The following CADM2 variants were observed in gnomAD, a reference collection of about 807,000 sequenced individuals.
CADM2 encodes the protein immunoglobulin superfamily member 4D.
In CADM2, 12 loss-of-function variants were observed where a neutral mutation model predicts 49.8. That is an observed-to-expected ratio of 0.24 (90% CI 0.15 to 0.39). The LOEUF (loss-of-function observed/expected upper bound fraction) is 0.39, where lower values mean the gene tolerates loss of function less well. Among genes scored for constraint, CADM2 ranks in the 10% least tolerant of loss-of-function variants. The pLI is 1.00. For synonymous variants in CADM2, 214 were observed against 175.4 expected (o/e 1.22, Z -1.74); for missense variants, 378 against 492.3 (o/e 0.77, Z 2.20).
At chr3:85,354,550 G>C (rs1000340871) in intron 1 of CADM2, among the ~76,000 whole-genome samples, 6 of 150,454 alleles carry the variant, frequency 4.0e-5, no homozygotes, top group African/African-American at 1.5e-4. Context: ...GAAATAAAGT[G>C]TAAATGCATA....
At chr3:85,702,596 C>T (rs1020616984) in intron 1 of CADM2, among the ~76,000 whole-genome samples, 4 of 152,096 alleles carry the variant, frequency 2.6e-5, no homozygotes, top group South Asian at 4.1e-4. Context: ...CTTAGATATT[C>T]GTATAACAAG....
chr3:85,095,368 T>C lies in CADM2; in HGVS notation c.61+135700T>C, dbSNP rs72905217. Among the ~76,000 whole-genome samples the C allele has an allele frequency of 3.3e-3, 508 of 152,272 alleles. 7 individuals carry two copies. The highest frequency in any genetic ancestry group is 0.011 in the African/African-American group (469 of 41,574). On this transcript the variant is annotated intron_variant, in intron 1 of 9. Coordinates refer to ENST00000383699, the MANE Select transcript of CADM2 (RefSeq NM_001167675.2). Reference sequence around the variant, plus strand: ...ATTATTCAGAGCTAGGCAGTCACAATTCTAGGCTGACTCAGATGGGTCATA... The same window carrying C: ...ATTATTCAGAGCTAGGCAGTCACAACTCTAGGCTGACTCAGATGGGTCATA...
chr3:85,228,754 G>A (rs76306335), intron 1 of CADM2, among the ~76,000 whole-genome samples: 14,456 of 152,048 alleles, frequency 0.095, 855 homozygotes, highest in African/African-American at 0.16. Flanking sequence ...TGAGGTGTCT[G>A]TCAGCCCCTA....
At chr3:85,621,214 G>A (rs1447528543) in intron 1 of CADM2, among the ~76,000 whole-genome samples, 1 of 151,936 alleles carries the variant, frequency 6.6e-6, no homozygotes, top group Non-Finnish European at 1.5e-5. Flanking sequence ...CAGAAACTAT[G>A]TCTTAACATT....
intron 1 of CADM2, among the ~76,000 whole-genome samples, chr3:84,995,930 C>A (rs956319657): frequency 6.6e-6 from 1 of 152,110 alleles, no homozygotes; most frequent in Non-Finnish European, 1.5e-5. Flanking sequence ...ATGAGTTTTC[C>A]ATGCCTATTG....
At chr3:85,604,503 T>C (rs2063497902) in intron 1 of CADM2, among the ~76,000 whole-genome samples, 2 of 152,036 alleles carry the variant, frequency 1.3e-5, no homozygotes, top group African/African-American at 2.4e-5. Context: ...TGTGTGTTTC[T>C]AAAACCTGGT....
intron 1 of CADM2, among the ~76,000 whole-genome samples, chr3:85,318,828 T>C (rs559346863): frequency 6.6e-6 from 1 of 152,146 alleles, no homozygotes; most frequent in Non-Finnish European, 1.5e-5. Flanking sequence ...TGACTGTAAG[T>C]TTCCATTAAA....
chr3:85,152,337 A>G (rs1425474594), intron 1 of CADM2, among the ~76,000 whole-genome samples: 1 of 152,020 alleles, frequency 6.6e-6, no homozygotes, highest in Admixed American at 6.6e-5. Context: ...CGTTACAAGG[A>G]TGTGTGGCCA....
intron 1 of CADM2, among the ~76,000 whole-genome samples, chr3:85,261,525 C>T (rs1198086950): frequency 6.6e-6 from 1 of 152,048 alleles, no homozygotes; most frequent in African/African-American, 2.4e-5. Flanking sequence ...ATTTTCTATC[C>T]TTTTTTCATT....
At chr3:85,213,819 AATT>A (rs2041860909) in intron 1 of CADM2, among the ~76,000 whole-genome samples, 1 of 151,858 alleles carries the variant, frequency 6.6e-6, no homozygotes, top group South Asian at 2.1e-4. Context: ...CATGTTCACT[AATT>A]ATTTCTTCTG....
At chr3:85,023,741 A>T (rs2107300824) in intron 1 of CADM2, among the ~76,000 whole-genome samples, 1 of 152,208 alleles carries the variant, frequency 6.6e-6, no homozygotes, top group South Asian at 2.1e-4. Flanking sequence ...ATATATGAAT[A>T]TTCCATGCCT....
At chr3:85,109,204 T>A (rs1024488521) in intron 1 of CADM2, among the ~76,000 whole-genome samples, 8 of 152,042 alleles carry the variant, frequency 5.3e-5, no homozygotes, top group African/African-American at 1.7e-4. Context: ...AAGCATCAAC[T>A]GTCATAGCTA....
chr3:85,515,707 G>A (rs1299782545), intron 1 of CADM2, among the ~76,000 whole-genome samples: 1 of 148,650 alleles, frequency 6.7e-6, no homozygotes, highest in East Asian at 2.0e-4. Flanking sequence ...TCGAACTCCT[G>A]ACCTCGTGGT....
At chr3:85,398,859 T>G (rs191278040) in intron 1 of CADM2, among the ~76,000 whole-genome samples, 84 of 152,318 alleles carry the variant, frequency 5.5e-4, no homozygotes, top group Non-Finnish European at 1.1e-3. Flanking sequence ...GGTTGTTTTT[T>G]TCTTCTAAAT....
chr3:85,695,226 G>A (rs903944993), intron 1 of CADM2, among the ~76,000 whole-genome samples: 3 of 152,078 alleles, frequency 2.0e-5, no homozygotes, highest in African/African-American at 7.2e-5. Context: ...AGTGGTTCCT[G>A]CTTACATGGA....
chr3:85,806,206 A>AGAAG (rs1193470311), intron 3 of CADM2, among the ~76,000 whole-genome samples: 13 of 150,880 alleles, frequency 8.6e-5, no homozygotes, highest in East Asian at 2.0e-4. Context: ...AAGGAAGGAA[A>AGAAG]GAAGGAAGGA....
chr3:85,802,004 T>TTAAA, intron 2 of CADM2, 43 bp from the exon 3 acceptor site: 1 of 1,523,856 alleles, frequency 6.6e-7, no homozygotes, highest in South Asian at 1.3e-5. Context: ...TTAATCATTT[T>TTAAA]ATGACTTTCA....
chr3:85,891,767 A>G (rs553288648), intron 5 of CADM2, among the ~76,000 whole-genome samples: 2 of 152,216 alleles, frequency 1.3e-5, no homozygotes, highest in Non-Finnish European at 2.9e-5. Context: ...GACATCAGAC[A>G]TATAGTCTCA....
chr3:85,242,644 G>A (rs59636199), intron 1 of CADM2, among the ~76,000 whole-genome samples: 10,063 of 151,610 alleles, frequency 0.066, 1,097 homozygotes, highest in African/African-American at 0.23. Context: ...ATCAATGTCT[G>A]GGTTTTAACA....
Sources: gnomAD v4.1 joint callset for allele counts (sites outside exome capture counted in the v4.1 genomes callset) on GRCh38, gnomAD v4.1.1 for gene constraint, MANE v1.5 for transcripts, NCBI Gene and HGNC (gene_info 2026-07-23, HGNC 2026-07-21) for gene names.